TANGO2: variants seen among roughly 807,000 people sequenced by gnomAD.
TANGO2 encodes the protein transport and Golgi organization protein 2 homolog.
Under a neutral mutation model 39.1 loss-of-function variants are expected in TANGO2, and 26 were observed. That is an observed-to-expected ratio of 0.67 (90% CI 0.49 to 0.92). The LOEUF (loss-of-function observed/expected upper bound fraction) is 0.92, where lower values mean the gene tolerates loss of function less well. TANGO2 is among the 40% of genes least tolerant of loss of function. TANGO2 has a pLI of 0.00. For missense variants in TANGO2, 326 were observed against 360.1 expected, an observed-to-expected ratio of 0.91 and a Z score of 0.77; for synonymous variants, 131 against 144.5, an observed-to-expected ratio of 0.91 and a Z score of 0.67.
At chr22:20,051,751 G>A (rs2046381963) in intron 3 of TANGO2, among the ~76,000 whole-genome samples, 1 of 152,170 alleles carries the variant, frequency 6.6e-6, no homozygotes, top group Admixed American at 6.5e-5. Flanking sequence ...TACTTGGGCT[G>A]AGGTGGGAGG....
intron 3 of TANGO2, among the ~76,000 whole-genome samples, chr22:20,049,972 G>C (rs931391113): frequency 2.6e-5 from 4 of 152,138 alleles, no homozygotes; most frequent in African/African-American, 7.2e-5. Context: ...ACTTTGGAAG[G>C]CCGAGGCGGG....
rs1491540119 is a variant in TANGO2 at position 20,050,357 on chromosome 22, G to GTTTTTTTTTTTTTTTT, written c.146-2108_146-2107insTTTTTTTTTTTTTTTT. On this transcript the variant is annotated intron_variant, in intron 3 of 8. Coordinates refer to ENST00000327374, the MANE Select transcript of TANGO2 (RefSeq NM_152906.7). ...ATTTTTCATTAAATATTTTCCTGGT[G>GTTTTTTTTTTTTTTTT]GTTTTTTTTTTTTTTTTTTTTTTTG... 5.8e-5 allele frequency among the ~76,000 whole-genome samples: 4 copies of GTTTTTTTTTTTTTTTT among 69,204 alleles called. 2 individuals are homozygous for GTTTTTTTTTTTTTTTT. The highest frequency in any genetic ancestry group is 4.9e-4 in the Admixed American group (2 of 4,086). 45.4% of individuals were successfully genotyped at this position (69,204 alleles called of 152,430 possible).
rs928658441 is a variant in TANGO2 at position 20,063,364 on chromosome 22, A to G, written c.632A>G (p.Asp211Gly). The change falls in exon 8 of 9, where the codon GAC (aspartate) becomes GGC (glycine). Residue 211 changes from aspartate to glycine, a missense_variant. Physicochemically the swap from Asp to Gly is moderately conservative, Grantham distance 94 (BLOSUM62 -1). Transcript: ENST00000327374. ...CAGCTGCCAGACCCGGCCATCGAGG[A>G]CCAGGGTGGGGAGTACGTGCAGCCC... ...EAQLPDPAIE[D>G]QGGEYVQPML... 11 of 1,613,480 alleles carry G rather than the reference A, an allele frequency of 6.8e-6. No individual in the cohort carries two copies. In the East Asian group the frequency reaches 2.5e-4, roughly 36 times the overall value.
chr22:20,037,419 A>T (rs2043058758), intron 2 of TANGO2, among the ~76,000 whole-genome samples: 1 of 152,242 alleles, frequency 6.6e-6, no homozygotes, highest in South Asian at 2.1e-4. Context: ...TTATCCACAC[A>T]GAGAACGAGG....
chr22:20,058,980 C>T (rs1485168196), intron 6 of TANGO2, among the ~76,000 whole-genome samples: 1 of 152,156 alleles, frequency 6.6e-6, no homozygotes, highest in Non-Finnish European at 1.5e-5. Flanking sequence ...TGGATCTTTC[C>T]ATCAGAAGGT....
intron 6 of TANGO2, among the ~76,000 whole-genome samples, chr22:20,059,060 T>C (rs1467583034): frequency 6.6e-6 from 1 of 152,154 alleles, no homozygotes; most frequent in East Asian, 1.9e-4. Context: ...TGTAGTTGCT[T>C]ATCAGAAAAG....
In TANGO2 at chr22:20,036,968, C is replaced by T. The variant is rs753495242; in HGVS notation, c.56+114C>T. Reference sequence around the variant, plus strand: ...AGGTGTGTGGGCCAGGACGGGGCTGCACAGGCCTGGCACTGCCCTCCAGGA... The same window carrying T: ...AGGTGTGTGGGCCAGGACGGGGCTGTACAGGCCTGGCACTGCCCTCCAGGA... On this transcript the variant is annotated intron_variant, in intron 2 of 8. Coordinates refer to ENST00000327374, the MANE Select transcript of TANGO2 (RefSeq NM_152906.7). 10 of 1,610,670 alleles carry T rather than the reference C, an allele frequency of 6.2e-6. No homozygotes were observed. In the South Asian group the frequency reaches 6.6e-5, roughly 11 times the overall value.
intron 1 of TANGO2, among the ~76,000 whole-genome samples, chr22:20,024,230 A>T (rs1475333589): frequency 6.6e-6 from 1 of 152,234 alleles, no homozygotes; most frequent in East Asian, 1.9e-4. Context: ...AAATAAAAAT[A>T]AAAAATGCCA....
intron 2 of TANGO2, among the ~76,000 whole-genome samples, chr22:20,041,210 G>A (rs930165347): frequency 7.9e-5 from 12 of 152,176 alleles, no homozygotes; most frequent in Non-Finnish European, 1.6e-4. Flanking sequence ...GCAGTGGCAC[G>A]ATCTCAGCTC....
intron 5 of TANGO2, 44 bp downstream of exon 5, chr22:20,053,595 T>G (rs1337555076): frequency 4.5e-6 from 6 of 1,326,910 alleles, no homozygotes; most frequent in Admixed American, 1.7e-5. Flanking sequence ...CAGCACTGCC[T>G]CGGGGGCAGG....
chr22:20,024,141 A>C (rs1601794744), intron 1 of TANGO2, among the ~76,000 whole-genome samples: 2 of 151,674 alleles, frequency 1.3e-5, no homozygotes, highest in South Asian at 4.2e-4. Context: ...GAGAGAGGTC[A>C]CCCTCTCCAG....
At chr22:20,018,511 C>T (rs975426644), upstream of TANGO2, among the ~76,000 whole-genome samples, 2 of 152,230 alleles carry the variant, frequency 1.3e-5, no homozygotes, top group Non-Finnish European at 2.9e-5. Context: ...CCTCATAGTC[C>T]TGCACCACCC....
rs1386219976 is a variant in TANGO2 at position 20,063,370 on chromosome 22, G to A, written c.638G>A (p.Gly213Asp). 6.2e-7 allele frequency: 1 copy of A among 1,613,562 alleles called. No homozygotes were observed. Among genetic ancestry groups the A allele is most frequent in the African/African-American group, 1.3e-5 (1 of 75,058 alleles). The change falls in exon 8 of 9, where the codon GGT (glycine) becomes GAT (aspartate). Residue 213 changes from glycine (G) to aspartate (D), a missense_variant. Gly to Asp is a moderately conservative substitution (Grantham distance 94). Coordinates refer to ENST00000327374, the MANE Select transcript of TANGO2 (RefSeq NM_152906.7). ...QLPDPAIEDQGGEYVQPMLSK... is the reference protein window; with the variant it reads ...QLPDPAIEDQDGEYVQPMLSK... ...CCAGACCCGGCCATCGAGGACCAGG[G>A]TGGGGAGTACGTGCAGCCCATGCTG...
intron 6 of TANGO2, chr22:20,056,488 C>T (rs1452750665): frequency 1.1e-5 from 5 of 457,560 alleles, no homozygotes; most frequent in East Asian, 6.9e-5. Context: ...CTCAGGGCCT[C>T]GAGCCCCTCT....
At chr22:20,048,242 TA>T (rs1327363087) in intron 3 of TANGO2, 1 of 152,228 alleles carries the variant, frequency 6.6e-6, no homozygotes, top group Non-Finnish European at 1.5e-5. Flanking sequence ...GATGGTTTTA[TA>T]AGGGGCTTTT....
chr22:20,024,857 G>C (rs1024773950), intron 1 of TANGO2, among the ~76,000 whole-genome samples: 2 of 152,078 alleles, frequency 1.3e-5, no homozygotes, highest in African/African-American at 2.4e-5. Flanking sequence ...GGCCCCCAGG[G>C]TCTCCAGGTG....
chr22:20,020,864 C>T (rs760259735), upstream of TANGO2, among the ~76,000 whole-genome samples: 37 of 152,070 alleles, frequency 2.4e-4, no homozygotes, highest in Non-Finnish European at 4.7e-4. Context: ...GGCAGGGAGC[C>T]GCGGAGTCCC....
At chr22:20,051,241 A>G (rs2046290849) in intron 3 of TANGO2, among the ~76,000 whole-genome samples, 1 of 151,732 alleles carries the variant, frequency 6.6e-6, no homozygotes, top group Admixed American at 6.6e-5. Context: ...TATAAAAATA[A>G]TATCTTAGGG....
chr22:20,062,120 C>T (rs1046329805), intron 7 of TANGO2, among the ~76,000 whole-genome samples: 1 of 152,210 alleles, frequency 6.6e-6, no homozygotes, highest in Non-Finnish European at 1.5e-5. Flanking sequence ...AGCGGTCTGT[C>T]CCCAGCGACC....
Sources: gnomAD v4.1 joint callset for allele counts (sites outside exome capture counted in the v4.1 genomes callset) on GRCh38, gnomAD v4.1.1 for gene constraint, MANE v1.5 for transcripts, NCBI Gene and HGNC (gene_info 2026-07-23, HGNC 2026-07-21) for gene names.